The following BUB1B variants were observed in gnomAD, a reference collection of about 807,000 sequenced individuals.
BUB1B encodes the protein BUB1 mitotic checkpoint serine/threonine kinase B, also known as mitotic checkpoint serine/threonine-protein kinase BUB1 beta.
BUB1B carries 86 observed loss-of-function variants against 137.7 expected under a neutral mutation model. The ratio of observed to expected loss-of-function variants is 0.62; its 90% CI spans 0.52 to 0.75. BUB1B has a LOEUF of 0.75. Ranked by LOEUF, BUB1B falls within the 30% of genes least tolerant of loss-of-function variation. The pLI is 0.00. For synonymous variants in BUB1B, 420 were observed against 417.9 expected (o/e 1.00, Z -0.06); for missense variants, 1,130 against 1,236.9 (o/e 0.91, Z 1.30).
chr15:40,200,126 T>A, intron 10 of BUB1B, 118 bp from the exon 11 acceptor site: 1 of 756,860 alleles, frequency 1.3e-6, no homozygotes, highest in Non-Finnish European at 2.3e-6. Flanking sequence ...TGTGGTACAC[T>A]CATTTTGTAC....
chr15:40,162,223 G>T (rs2037050286), intron 1 of BUB1B, among the ~76,000 whole-genome samples: 1 of 152,218 alleles, frequency 6.6e-6, no homozygotes, highest in South Asian at 2.1e-4. Flanking sequence ...AAGGCTGAGG[G>T]TGAGAGCTAG....
intron 4 of BUB1B, among the ~76,000 whole-genome samples, chr15:40,174,933 C>A: frequency 6.6e-6 from 1 of 152,108 alleles, no homozygotes; most frequent in East Asian, 1.9e-4. Context: ...CGCTGCACTC[C>A]AGCCTGGGCG....
intron 5 of BUB1B, among the ~76,000 whole-genome samples, chr15:40,180,396 G>A (rs2037273803): frequency 6.7e-6 from 1 of 150,284 alleles, no homozygotes; most frequent in African/African-American, 2.4e-5. Context: ...TAGCTGAGTA[G>A]CTGGGACTAT....
chr15:40,180,033 T>C (rs1452009107), intron 5 of BUB1B, among the ~76,000 whole-genome samples: 1 of 151,018 alleles, frequency 6.6e-6, no homozygotes, highest in Non-Finnish European at 1.5e-5. Context: ...TTTACCCTTT[T>C]TTTTGTTGTT....
At chr15:40,202,006 A>C (rs2037577176) in intron 12 of BUB1B, among the ~76,000 whole-genome samples, 1 of 152,100 alleles carries the variant, frequency 6.6e-6, no homozygotes, top group African/African-American at 2.4e-5. Flanking sequence ...GAAACTTCTC[A>C]CTGGACATTT....
At chr15:40,176,965 C>T (rs1159369632) in intron 5 of BUB1B, among the ~76,000 whole-genome samples, 2 of 152,096 alleles carry the variant, frequency 1.3e-5, no homozygotes, top group Non-Finnish European at 2.9e-5. Flanking sequence ...TATGCTGAAC[C>T]CAAACCCCTG....
intron 1 of BUB1B, among the ~76,000 whole-genome samples, chr15:40,164,263 C>T (rs571903263): frequency 6.6e-6 from 1 of 151,926 alleles, no homozygotes; most frequent in Non-Finnish European, 1.5e-5. Flanking sequence ...GGGTCTTGCT[C>T]TGTTGCCCAG....
At position 40,185,386 on chromosome 15, in the gene BUB1B, ACT is replaced by A. The variant is rs1373981773; in HGVS notation, c.966+10_966+11del. 3.1e-6 allele frequency: 5 copies of A among 1,613,596 alleles called. No homozygotes were observed. In the African/African-American group the frequency reaches 6.7e-5, roughly 22 times the overall value. On this transcript the variant is annotated splice_region_variant and intron_variant, in intron 7 of 22. Coordinates refer to ENST00000287598, the MANE Select transcript of BUB1B (RefSeq NM_001211.6). ...CAGGTCCTTGGAACACAGGGTAAGG[ACT>A]CTTAGATCCAGTGCTTTGCTGACAC...
intron 1 of BUB1B, among the ~76,000 whole-genome samples, chr15:40,161,777 C>T (rs983841689): frequency 2.0e-5 from 3 of 152,128 alleles, no homozygotes; most frequent in Non-Finnish European, 2.9e-5. Flanking sequence ...AAGCCTTTTT[C>T]TGCATGTTTG....
chr15:40,201,891 G>T (rs186249591), intron 12 of BUB1B, among the ~76,000 whole-genome samples: 1 of 151,838 alleles, frequency 6.6e-6, no homozygotes, highest in East Asian at 1.9e-4. Flanking sequence ...GGATGGTCTC[G>T]ATCTCCTGAC....
chr15:40,202,830 C>A, intron 14 of BUB1B, 136 bp downstream of exon 14: 1 of 773,018 alleles, frequency 1.3e-6, no homozygotes, highest in Non-Finnish European at 2.2e-6. Context: ...TACTACTCAA[C>A]AGGGAAATGC....
intron 8 of BUB1B, 60 bp downstream of exon 8, chr15:40,185,702 A>G: frequency 2.0e-6 from 3 of 1,483,232 alleles, no homozygotes; most frequent in Non-Finnish European, 2.8e-6. Flanking sequence ...AGAGGCACCT[A>G]TTCTACTTCC....
At chr15:40,178,906 TAAAAA>T (rs544493631) in intron 5 of BUB1B, among the ~76,000 whole-genome samples, 1 of 150,454 alleles carries the variant, frequency 6.6e-6, no homozygotes, top group South Asian at 2.1e-4. Flanking sequence ...AAAACCACAT[TAAAAA>T]AAAACCACTC....
At chr15:40,172,129 AAAGT>A (rs768243046) in intron 4 of BUB1B, among the ~76,000 whole-genome samples, 2 of 152,024 alleles carry the variant, frequency 1.3e-5, no homozygotes, top group South Asian at 2.1e-4. Flanking sequence ...ATAAAGTAAT[AAAGT>A]AAGAAATAAA....
At chr15:40,218,154 A>C (rs752452659) in intron 21 of BUB1B, among the ~76,000 whole-genome samples, 1 of 152,244 alleles carries the variant, frequency 6.6e-6, no homozygotes, top group Non-Finnish European at 1.5e-5. Context: ...TGAACTAATC[A>C]TGTGGACCCC....
chr15:40,166,926 C>CTTA (rs375817383), intron 2 of BUB1B, among the ~76,000 whole-genome samples: 51 of 152,070 alleles, frequency 3.4e-4, no homozygotes, highest in African/African-American at 1.2e-3. Flanking sequence ...TTTTGTATAT[C>CTTA]TTCTTTTGTG....
At chr15:40,206,728 A>T (rs746531616) in intron 15 of BUB1B, among the ~76,000 whole-genome samples, 41 of 152,226 alleles carry the variant, frequency 2.7e-4, no homozygotes, top group Admixed American at 1.9e-3. Flanking sequence ...TGCAAAGTGT[A>T]CATGACTGAC....
In BUB1B at chr15:40,210,111, T is replaced by A. The variant is rs1234246469; in HGVS notation, c.2286T>A (p.Gly762=). The A allele has an allele frequency of 3.7e-6, 6 of 1,602,260 alleles. No individual in the cohort carries two copies. Among genetic ancestry groups the A allele is most frequent in the Non-Finnish European group, 3.4e-6 (4 of 1,169,504 alleles). Reference sequence around the variant, plus strand: ...AATGGAATCAAACTTTCTCAACAGGTAATGAGGATTACTGCATTAAACGAG... The same window carrying A: ...AATGGAATCAAACTTTCTCAACAGGAAATGAGGATTACTGCATTAAACGAG... ...KLEIEKEIEL[G]NEDYCIKREY... is the part of the protein sequence containing the mutation. The change falls in exon 18 of 23, where the codon GGT becomes GGA. Residue 762 remains glycine (G), a splice_region_variant and synonymous_variant. Transcript: ENST00000287598.
intron 10 of BUB1B, 145 bp downstream of exon 10, chr15:40,199,872 G>A: frequency 1.4e-6 from 1 of 700,234 alleles, no homozygotes; most frequent in Non-Finnish European, 2.5e-6. Flanking sequence ...AAGTTGAGCG[G>A]GAAAGTAATT....
Sources: gnomAD v4.1 joint callset for allele counts (sites outside exome capture counted in the v4.1 genomes callset) on GRCh38, gnomAD v4.1.1 for gene constraint, MANE v1.5 for transcripts, NCBI Gene and HGNC (gene_info 2026-07-23, HGNC 2026-07-21) for gene names.